MALRD1: variants seen among roughly 807,000 people sequenced by gnomAD.
MALRD1 encodes MAM and LDL-receptor class A domain-containing protein 1.
A neutral mutation model predicts 242.1 loss-of-function variants in MALRD1; 247 were observed. That is an observed-to-expected ratio of 1.02 (90% CI 0.92 to 1.13). The LOEUF is 1.13. MALRD1 is among the 50% of genes most tolerant of loss of function. MALRD1 has a pLI of 0.00. For missense variants in MALRD1, 2,989 were observed against 2,533.1 expected, an observed-to-expected ratio of 1.18 and a Z score of -3.86; for synonymous variants, 995 against 866.6, an observed-to-expected ratio of 1.15 and a Z score of -2.60.
chr10:19,315,133 A>C (rs968703945), intron 21 of MALRD1, among the ~76,000 whole-genome samples: 6 of 138,412 alleles, frequency 4.3e-5, no homozygotes, highest in Admixed American at 2.3e-4. Flanking sequence ...AATTTATAGA[A>C]ATATGTAAAT....
intron 19 of MALRD1, among the ~76,000 whole-genome samples, chr10:19,266,940 A>G (rs1329511726): frequency 6.6e-6 from 1 of 152,030 alleles, no homozygotes; most frequent in Non-Finnish European, 1.5e-5. Context: ...TTGCTCTGAG[A>G]CATTTATATT....
At chr10:19,567,432 T>C in intron 32 of MALRD1, 70 bp from the exon 33 acceptor site, 5 of 1,290,046 alleles carry the variant, frequency 3.9e-6, no homozygotes, top group Non-Finnish European at 5.4e-6. Context: ...CATTCTTTCA[T>C]CAATCATCTG....
At chr10:19,229,296 T>C (rs541161260) in intron 18 of MALRD1, among the ~76,000 whole-genome samples, 1 of 152,278 alleles carries the variant, frequency 6.6e-6, no homozygotes, top group African/African-American at 2.4e-5. Flanking sequence ...TATTTTTTTT[T>C]CCTGAAATGT....
At chr10:19,243,381 A>G (rs1328348987) in intron 18 of MALRD1, among the ~76,000 whole-genome samples, 6 of 152,090 alleles carry the variant, frequency 3.9e-5, no homozygotes, top group Non-Finnish European at 8.8e-5. Context: ...TTTAAAAACT[A>G]TGTTTCATAA....
intron 28 of MALRD1, among the ~76,000 whole-genome samples, chr10:19,392,321 G>A (rs1427134092): frequency 2.0e-5 from 3 of 152,076 alleles, no homozygotes; most frequent in African/African-American, 7.2e-5. Context: ...AAGTATGTCT[G>A]GGTCCAAAAC....
intron 18 of MALRD1, among the ~76,000 whole-genome samples, chr10:19,246,474 G>C (rs770770923): frequency 3.3e-5 from 5 of 152,064 alleles, no homozygotes; most frequent in Non-Finnish European, 7.4e-5. Context: ...GGCATGAAGG[G>C]GAAAAAGCCT....
intron 24 of MALRD1, among the ~76,000 whole-genome samples, chr10:19,347,489 T>C (rs928734206): frequency 1.3e-5 from 2 of 152,168 alleles, no homozygotes; most frequent in Non-Finnish European, 2.9e-5. Context: ...TAAATTATAT[T>C]GACCAAATAG....
At chr10:19,061,222 G>T (rs1834813610) in intron 1 of MALRD1, among the ~76,000 whole-genome samples, 1 of 152,134 alleles carries the variant, frequency 6.6e-6, no homozygotes, top group African/African-American at 2.4e-5. Flanking sequence ...ACCAGCACGA[G>T]ACTAAAGAGA....
At chr10:19,237,632 A>G (rs1450726110) in intron 18 of MALRD1, among the ~76,000 whole-genome samples, 2 of 62,516 alleles carry the variant, frequency 3.2e-5, no homozygotes, top group African/African-American at 1.3e-4. Context: ...ATATAATTAT[A>G]ATTATATATA....
chr10:19,408,488 T>C (rs1224987919), intron 28 of MALRD1, among the ~76,000 whole-genome samples: 5 of 152,156 alleles, frequency 3.3e-5, no homozygotes, highest in Non-Finnish European at 7.4e-5. Flanking sequence ...ATATATTCTA[T>C]CCTTGCAATG....
intron 2 of MALRD1, among the ~76,000 whole-genome samples, chr10:19,084,777 A>T (rs982790364): frequency 6.6e-6 from 1 of 152,008 alleles, no homozygotes; most frequent in Non-Finnish European, 1.5e-5. Flanking sequence ...TCATTCCAAA[A>T]CTTAACCAGT....
Position 19,402,667 on chromosome 10 carries a change from C to A in MALRD1, c.4845+13058C>A, listed in dbSNP as rs1329876443. ...AAATGAATAAAATAAAATAGTTATT[C>A]CCTTAAAATCTTTCTTAATAAGCCA... On this transcript the variant is annotated intron_variant, in intron 28 of 39. Coordinates refer to ENST00000454679, the MANE Select transcript of MALRD1 (RefSeq NM_001142308.3). Among the ~76,000 whole-genome samples the A allele has an allele frequency of 2.6e-5, 4 of 152,094 alleles. No homozygotes were observed. The East Asian group carries it at 5.8e-4, about 22-fold the overall frequency.
rs529175530 is a variant in MALRD1, at chr10:19,575,171, T to C, written c.5680+7468T>C. ...TATTTATGGATTTTCTTCAACCAAA[T>C]GCAGATGGCAAATGCAATACTCATG... On this transcript the variant is annotated intron_variant, in intron 33 of 39. Transcript: ENST00000454679. Among the ~76,000 whole-genome samples the C allele has an allele frequency of 5.3e-5, 8 of 152,288 alleles. No individual in the cohort carries two copies. The South Asian group carries it at 1.7e-3, about 32-fold the overall frequency.
At chr10:19,490,598 C>T (rs372703228) in intron 29 of MALRD1, among the ~76,000 whole-genome samples, 1 of 150,726 alleles carries the variant, frequency 6.6e-6, no homozygotes. Context: ...ACCAAAACAA[C>T]ACTAACTGAG....
chr10:19,353,531 T>A (rs944401333), intron 26 of MALRD1, among the ~76,000 whole-genome samples: 2 of 152,190 alleles, frequency 1.3e-5, no homozygotes, highest in Non-Finnish European at 2.9e-5. Context: ...TACAAAGAAG[T>A]TTCTAGATAA....
chr10:19,131,487 A>C (rs1293821278), intron 8 of MALRD1, among the ~76,000 whole-genome samples: 1 of 152,194 alleles, frequency 6.6e-6, no homozygotes, highest in Non-Finnish European at 1.5e-5. Flanking sequence ...GATCTATAAA[A>C]TAATACTCAT....
chr10:19,504,040 T>C (rs754088787), intron 31 of MALRD1, among the ~76,000 whole-genome samples: 1 of 152,208 alleles, frequency 6.6e-6, no homozygotes, highest in African/African-American at 2.4e-5. Context: ...CTTAGCAAGC[T>C]AATGCTCTCC....
intron 26 of MALRD1, among the ~76,000 whole-genome samples, chr10:19,381,024 G>C (rs1845815247): frequency 6.8e-6 from 1 of 147,852 alleles, no homozygotes; most frequent in African/African-American, 2.5e-5. Flanking sequence ...TCGTCATCTA[G>C]CATTAGGTAT....
At chr10:19,285,561 G>T (rs1399674090) in intron 21 of MALRD1, among the ~76,000 whole-genome samples, 1 of 151,738 alleles carries the variant, frequency 6.6e-6, no homozygotes. Flanking sequence ...TCACATAGTT[G>T]TAGATATGCG....
Sources: gnomAD v4.1 joint callset for allele counts (sites outside exome capture counted in the v4.1 genomes callset) on GRCh38, gnomAD v4.1.1 for gene constraint, MANE v1.5 for transcripts, NCBI Gene and HGNC (gene_info 2026-07-23, HGNC 2026-07-21) for gene names.